ZNF264: variants seen among roughly 807,000 people sequenced by gnomAD.
The protein encoded by ZNF264 is zinc finger protein 264.
Under a neutral mutation model 11.2 loss-of-function variants are expected in ZNF264, and 11 were observed. The observed-to-expected ratio is 0.98, with a 90% CI of 0.62 to 1.63. The LOEUF (loss-of-function observed/expected upper bound fraction) is 1.63. Among genes scored for constraint, ZNF264 ranks in the 40% most tolerant of loss-of-function variants. The probability of loss-of-function intolerance (pLI) is 0.00; values close to 1 mark genes in which losing one functional copy is unlikely to be tolerated. For missense variants in ZNF264, 752 were observed against 768.1 expected (o/e 0.98, Z 0.25); for synonymous variants, 309 against 279.8 (o/e 1.10, Z -1.04).
intron 2 of ZNF264, among the ~76,000 whole-genome samples, chr19:57,202,370 G>T (rs1284642404): frequency 6.6e-6 from 1 of 151,938 alleles, no homozygotes; most frequent in Non-Finnish European, 1.5e-5. Flanking sequence ...GAAGCACAGG[G>T]GAGGAGAAAG....
chr19:57,207,647 G>A (rs1284163183), intron 3 of ZNF264, among the ~76,000 whole-genome samples: 5 of 146,700 alleles, frequency 3.4e-5, no homozygotes, highest in Non-Finnish European at 6.0e-5. Context: ...AGCCTCCCAA[G>A]TAGCTGGGAT....
Position 57,191,556 on chromosome 19 carries a change from G to A in ZNF264, c.-358G>A, listed in dbSNP as rs59940266. On this transcript the variant is annotated 5_prime_UTR_variant, in exon 1 of 4. Transcript: ENST00000263095. ...TGTAGCCACTGAGGGCCCCGGTCGG[G>A]GCCGCTTTGCAGGTCCCTAGTCAGG... The A allele has an allele frequency of 0.12, 31,918 of 260,932 alleles. 2,374 individuals are homozygous for A. Among genetic ancestry groups the A allele is most frequent in the African/African-American group, 0.22 (9,723 of 45,170 alleles). 16.2% of individuals were successfully genotyped at this position (260,932 alleles called of 1,614,324 possible).
intron 2 of ZNF264, 117 bp downstream of exon 2, chr19:57,194,118 C>A: frequency 7.1e-7 from 1 of 1,415,536 alleles, no homozygotes; most frequent in South Asian, 1.4e-5. Context: ...GCCTCTTTCC[C>A]ACAGCTTTAG....
At position 57,191,713 on chromosome 19, in the gene ZNF264, G is replaced by A. The variant is rs1028617578; in HGVS notation, c.-201G>A. 9 of 410,970 alleles carry A rather than the reference G, an allele frequency of 2.2e-5. No individual in the cohort carries two copies. The highest frequency in any genetic ancestry group is 1.3e-4 in the Admixed American group (3 of 22,564). The allele number at this position is 410,970 out of a possible 1,614,324, so 25.5% of individuals were successfully genotyped here. ...CCGCCCTTCAGCCCCGCGGTCTCCA[G>A]GGGCGGCGCCCTGGGTCTGGAACGC... On this transcript the variant is annotated 5_prime_UTR_variant, in exon 1 of 4. Transcript: ENST00000263095.
chr19:57,209,924 G>A (rs58620921), intron 3 of ZNF264, among the ~76,000 whole-genome samples: 1 of 151,978 alleles, frequency 6.6e-6, no homozygotes, highest in Non-Finnish European at 1.5e-5. Flanking sequence ...CAGCAGCCTG[G>A]CCATTGGTCA....
chr19:57,205,611 T>C (rs2122753828), intron 3 of ZNF264, 119 bp downstream of exon 3: 6 of 863,960 alleles, frequency 6.9e-6, no homozygotes, highest in Middle Eastern at 2.2e-4. Context: ...ATAACTCTTA[T>C]ATAACTCTAT....
rs554438584 is a variant in ZNF264, at chr19:57,212,328, C to G, written c.1231C>G (p.Arg411Gly). Residue 411 changes from arginine (R) to glycine (G), a missense_variant, in exon 4 of 4, where the codon CGA becomes GGA. Physicochemically the swap from Arg to Gly is moderately radical, Grantham distance 125. Coordinates refer to ENST00000263095, the MANE Select transcript of ZNF264 (RefSeq NM_003417.5). ...CLECGKAFNH[R>G]SYLKRHQRIH... is the part of the protein sequence containing the mutation. ...CGAGTGTGGGAAGGCTTTCAACCAC[C>G]GATCCTACCTCAAGAGGCACCAGCG... 1.9e-5 allele frequency: 31 copies of G among 1,606,150 alleles called. 1 individual carries two copies. The highest frequency in any genetic ancestry group is 2.6e-5 in the Non-Finnish European group (31 of 1,177,404).
At position 57,215,101 on chromosome 19, in the gene ZNF264, A is replaced by G. The variant is rs2087370594; in HGVS notation, c.*2120A>G. 1 of 152,260 alleles carries G rather than the reference A, an allele frequency of 6.6e-6. No homozygotes were observed. The highest frequency in any genetic ancestry group is 2.1e-4 in the South Asian group (1 of 4,832). 9.4% of individuals were successfully genotyped at this position (152,260 alleles called of 1,614,324 possible). On this transcript the variant is annotated 3_prime_UTR_variant, in exon 4 of 4. Transcript: ENST00000263095. Reference sequence around the variant, plus strand: ...TCTTGACCTTTCAACATGAATTGGAAGGAGTTCTCTTCTAATTTTTGGAAG... The same window carrying G: ...TCTTGACCTTTCAACATGAATTGGAGGGAGTTCTCTTCTAATTTTTGGAAG...
intron 2 of ZNF264, among the ~76,000 whole-genome samples, chr19:57,199,716 C>T (rs183721330): frequency 1.3e-5 from 2 of 151,940 alleles, no homozygotes; most frequent in Non-Finnish European, 2.9e-5. Flanking sequence ...TGTAGCTCAC[C>T]TCCCCATGGG....
intron 3 of ZNF264, among the ~76,000 whole-genome samples, chr19:57,210,805 C>G (rs1219088224): frequency 6.6e-6 from 1 of 152,174 alleles, no homozygotes; most frequent in Non-Finnish European, 1.5e-5. Flanking sequence ...CTGTGGAGGA[C>G]TCCATAGTGA....
rs2087418561 is a variant in ZNF264 at position 57,221,735 on chromosome 19, G to A, written c.*8754G>A. On this transcript the variant is annotated 3_prime_UTR_variant, in exon 4 of 4. Transcript: ENST00000263095. The stretch of plus-strand genomic sequence containing the variant: ...TCCCACAATTCTGGACTTCCAGAAG[G>A]TTAGCAGGGGTTCAGCTTTTCAGCT... 6.6e-6 allele frequency: 1 copy of A among 152,126 alleles called. No individual in the cohort carries two copies. The highest frequency in any genetic ancestry group is 2.4e-5 in the African/African-American group (1 of 41,420). 9.4% of individuals were successfully genotyped at this position (152,126 alleles called of 1,614,324 possible). A position where few individuals can be genotyped will look rare whatever the true frequency, so the allele number is the denominator to read the frequency against.
Position 57,200,225 on chromosome 19 carries a change from GGGCAC to G in ZNF264, c.161-5171_161-5167del, listed in dbSNP as rs1471607016. ...CACCAGGTGTCTACTGTTAAAGTGA[GGGCAC>G]TGATTGGAAAAGAATGGGACCCTGA... On this transcript the variant is annotated intron_variant, in intron 2 of 3. Transcript: ENST00000263095. Among the ~76,000 whole-genome samples the G allele has an allele frequency of 3.3e-5, 5 of 151,898 alleles. No individual in the cohort carries two copies. In the South Asian group the frequency reaches 1.0e-3, roughly 31 times the overall value.
Position 57,216,627 on chromosome 19 carries a change from A to G in ZNF264, c.*3646A>G, listed in dbSNP as rs1455510863. The G allele has an allele frequency of 6.6e-6, 1 of 152,154 alleles. No homozygotes were observed. The highest frequency in any genetic ancestry group is 2.4e-5 in the African/African-American group (1 of 41,418). The allele number at this position is 152,154 out of a possible 1,614,324, so 9.4% of individuals were successfully genotyped here. ...TTAATATTTCTTCATTTTATTTTAA[A>G]GCTTACCTGTATCATTACTTATGAA... On this transcript the variant is annotated 3_prime_UTR_variant, in exon 4 of 4. Transcript: ENST00000263095.
chr19:57,196,894 ATCT>A lies in ZNF264; in HGVS notation c.160+2897_160+2899del, dbSNP rs555167749. The stretch of plus-strand genomic sequence containing the variant: ...CCCATGAATCAGTATATAATTACAC[ATCT>A]TCTCATTTCTCCTTCCATGGAAAGT... On this transcript the variant is annotated intron_variant, in intron 2 of 3. Coordinates refer to ENST00000263095, the MANE Select transcript of ZNF264 (RefSeq NM_003417.5). 4.3e-4 allele frequency among the ~76,000 whole-genome samples: 65 copies of A among 151,910 alleles called. 4 individuals are homozygous for A. In the South Asian group the frequency reaches 0.012, roughly 28 times the overall value.
In ZNF264 at chr19:57,221,855, A is replaced by G. The variant is rs911632754; in HGVS notation, c.*8874A>G. ...GTTTTGGGTGGGTGGAGCAGTAGTA[A>G]GCCTCCCAAAATCTAAGGTCCCACA... On this transcript the variant is annotated 3_prime_UTR_variant, in exon 4 of 4. Coordinates refer to ENST00000263095, the MANE Select transcript of ZNF264 (RefSeq NM_003417.5). The G allele has an allele frequency of 6.6e-6, 1 of 152,172 alleles. No homozygotes were observed. Among genetic ancestry groups the G allele is most frequent in the Admixed American group, 6.5e-5 (1 of 15,274 alleles). 9.4% of individuals were successfully genotyped at this position (152,172 alleles called of 1,614,324 possible). A position where few individuals can be genotyped will look rare whatever the true frequency, so the allele number is the denominator to read the frequency against.
At chr19:57,202,655 T>C (rs2087261760) in intron 2 of ZNF264, among the ~76,000 whole-genome samples, 1 of 151,632 alleles carries the variant, frequency 6.6e-6, no homozygotes, top group African/African-American at 2.4e-5. Flanking sequence ...TTCCAGGTGG[T>C]CCCCCCAGGA....
chr19:57,193,849 A>G (rs2087193029), intron 1 of ZNF264, 26 bp from the exon 2 acceptor site: 1 of 1,612,788 alleles, frequency 6.2e-7, no homozygotes, highest in East Asian at 2.2e-5. Context: ...AAAGGCCAAT[A>G]CTACTAATTC....
At chr19:57,204,133 G>A (rs1321071714) in intron 2 of ZNF264, among the ~76,000 whole-genome samples, 1 of 151,368 alleles carries the variant, frequency 6.6e-6, no homozygotes, top group Admixed American at 6.6e-5. Flanking sequence ...GGAGAATGGC[G>A]TGAACCCGGG....
At position 57,212,985 on chromosome 19, in the gene ZNF264, A is replaced by C; in HGVS notation, c.*4A>C. 3.1e-6 allele frequency: 5 copies of C among 1,600,178 alleles called. No homozygotes were observed. Among genetic ancestry groups the C allele is most frequent in the Non-Finnish European group, 4.3e-6 (5 of 1,171,438 alleles). ...CCCACAAGTGTCTTCACTGTGAGAA[A>C]ACCTTCTGTTGCTGAATATTACTTG... is the stretch of plus-strand genomic sequence containing the variant. On this transcript the variant is annotated 3_prime_UTR_variant, in exon 4 of 4. Coordinates refer to ENST00000263095, the MANE Select transcript of ZNF264 (RefSeq NM_003417.5).
Sources: allele counts gnomAD v4.1 joint callset (sites outside exome capture counted in the v4.1 genomes callset), GRCh38; gene constraint gnomAD v4.1.1; transcripts MANE v1.5; gene names NCBI Gene and HGNC (gene_info 2026-07-23, HGNC 2026-07-21).